Variants in HERPUD2 observed in about 807,000 individuals in gnomAD.
HERPUD2 encodes HERPUD family member 2, also known as homocysteine-responsive endoplasmic reticulum-resident ubiquitin-like domain member 2 protein.
Under a neutral mutation model 49.9 loss-of-function variants are expected in HERPUD2, and 13 were observed. That is an observed-to-expected ratio of 0.26 (90% CI 0.17 to 0.41). The LOEUF is 0.41. Among genes scored for constraint, HERPUD2 ranks in the 10% least tolerant of loss-of-function variants. The pLI is 1.00. For synonymous variants in HERPUD2, 172 were observed against 171.4 expected, an observed-to-expected ratio of 1.00 and a Z score of -0.03; for missense variants, 449 against 492.2, an observed-to-expected ratio of 0.91 and a Z score of 0.83.
At chr7:35,637,786 C>T (rs980107704) in intron 6 of HERPUD2, among the ~76,000 whole-genome samples, 1 of 151,910 alleles carries the variant, frequency 6.6e-6, no homozygotes, top group African/African-American at 2.4e-5. Context: ...GAAAGAGTGA[C>T]CAGAAAGATA....
chr7:35,634,840 T>C (rs1562665803), intron 7 of HERPUD2, among the ~76,000 whole-genome samples: 2 of 152,222 alleles, frequency 1.3e-5, no homozygotes, highest in African/African-American at 4.8e-5. Context: ...AGGATGACCT[T>C]ATGCAGGAGT....
At chr7:35,668,928 A>T (rs1785593382) in intron 4 of HERPUD2, among the ~76,000 whole-genome samples, 2 of 152,196 alleles carry the variant, frequency 1.3e-5, no homozygotes, top group Non-Finnish European at 2.9e-5. Context: ...AATATTTTCA[A>T]GTCCCTTGAA....
intron 5 of HERPUD2, among the ~76,000 whole-genome samples, chr7:35,652,931 T>C (rs1785197651): frequency 6.7e-6 from 1 of 149,240 alleles, no homozygotes. Flanking sequence ...GTAGAGCAAA[T>C]ACACAAATAA....
In HERPUD2 at chr7:35,639,719, T is replaced by C. The variant is rs114334630; in HGVS notation, c.495-1247A>G. ...AGCTATAATTTTATATTCTAAAGACTGTTTACACATACAATTGGTAATAAT... is the reference window on the plus strand; with the variant it reads ...AGCTATAATTTTATATTCTAAAGACCGTTTACACATACAATTGGTAATAAT... On this transcript the variant is annotated intron_variant, in intron 5 of 8. Transcript: ENST00000311350. Among the ~76,000 whole-genome samples the C allele has an allele frequency of 3.9e-3, 590 of 152,332 alleles. 4 individuals are homozygous for C. Among genetic ancestry groups the C allele is most frequent in the African/African-American group, 0.013 (557 of 41,572 alleles).
chr7:35,661,662 T>C (rs1785424887), intron 5 of HERPUD2, among the ~76,000 whole-genome samples: 1 of 152,178 alleles, frequency 6.6e-6, no homozygotes. Flanking sequence ...CACTCATGAT[T>C]TGGCTCTCTG....
At chr7:35,652,476 C>T (rs1210749850) in intron 5 of HERPUD2, among the ~76,000 whole-genome samples, 2 of 152,060 alleles carry the variant, frequency 1.3e-5, no homozygotes, top group Admixed American at 1.3e-4. Flanking sequence ...GAAAAGCATC[C>T]AGTCACTTAA....
chr7:35,678,099 C>T (rs1785804957), intron 2 of HERPUD2, among the ~76,000 whole-genome samples: 1 of 152,162 alleles, frequency 6.6e-6, no homozygotes, highest in Non-Finnish European at 1.5e-5. Flanking sequence ...TTTCATGAGG[C>T]TCTAATGAGA....
chr7:35,651,655 A>G (rs1257231199), intron 5 of HERPUD2, among the ~76,000 whole-genome samples: 1 of 152,190 alleles, frequency 6.6e-6, no homozygotes, highest in Non-Finnish European at 1.5e-5. Context: ...ATATCAACAT[A>G]AGGATAGAAG....
Position 35,673,775 on chromosome 7 carries a change from T to C in HERPUD2, c.148-497A>G, listed in dbSNP as rs564030109. Among the ~76,000 whole-genome samples the C allele has an allele frequency of 1.2e-4, 18 of 152,316 alleles. No individual in the cohort carries two copies. In the South Asian group the frequency reaches 3.3e-3, roughly 28 times the overall value. On this transcript the variant is annotated intron_variant, in intron 2 of 8. Coordinates refer to ENST00000311350, the MANE Select transcript of HERPUD2 (RefSeq NM_022373.5). ...TACTAATATTGTGCAGAACAATTTA[T>C]TGGTTTTAATTCAAGAGCCATTTAG...
chr7:35,687,298 A>G (rs1033056140), intron 2 of HERPUD2, among the ~76,000 whole-genome samples: 1 of 152,196 alleles, frequency 6.6e-6, no homozygotes, highest in Admixed American at 6.5e-5. Flanking sequence ...GGCTCCACAG[A>G]GTAACATATA....
intron 2 of HERPUD2, among the ~76,000 whole-genome samples, chr7:35,687,650 T>G (rs544531759): frequency 5.1e-4 from 78 of 152,368 alleles, no homozygotes; most frequent in Non-Finnish European, 8.4e-4. Context: ...CAGGTTAAAA[T>G]AAGTCCTAAC....
chr7:35,639,052 G>A (rs1454652599), intron 5 of HERPUD2, among the ~76,000 whole-genome samples: 3 of 149,408 alleles, frequency 2.0e-5, no homozygotes, highest in Non-Finnish European at 3.0e-5. Context: ...TTTTTGAGAC[G>A]GAATCTCGCT....
At chr7:35,643,198 G>A (rs999439468) in intron 5 of HERPUD2, among the ~76,000 whole-genome samples, 4 of 152,072 alleles carry the variant, frequency 2.6e-5, no homozygotes, top group Admixed American at 6.6e-5. Context: ...TTATCGCCAC[G>A]TTGAAACTGC....
intron 2 of HERPUD2, among the ~76,000 whole-genome samples, chr7:35,687,221 C>T (rs1311573832): frequency 6.6e-6 from 1 of 152,106 alleles, no homozygotes; most frequent in Non-Finnish European, 1.5e-5. Context: ...ATTCAGAAGA[C>T]TCAGGGTTCA....
At chr7:35,694,658 G>A (rs1436966279) in intron 1 of HERPUD2, 31 bp from the exon 2 acceptor site, 8 of 298,244 alleles carry the variant, frequency 2.7e-5, no homozygotes, top group African/African-American at 1.7e-4. Context: ...AGGGATGAGG[G>A]CACAACGGCC....
At chr7:35,691,651 T>A (rs534821762) in intron 2 of HERPUD2, among the ~76,000 whole-genome samples, 16 of 152,346 alleles carry the variant, frequency 1.1e-4, no homozygotes, top group African/African-American at 2.2e-4. Flanking sequence ...CTGTTAAACA[T>A]AACAGCACTT....
intron 2 of HERPUD2, among the ~76,000 whole-genome samples, chr7:35,677,996 T>G (rs1785802550): frequency 6.6e-6 from 1 of 152,154 alleles, no homozygotes; most frequent in African/African-American, 2.4e-5. Context: ...ACAACGGAAA[T>G]GCACATAAAC....
At chr7:35,686,469 C>G (rs62454602) in intron 2 of HERPUD2, among the ~76,000 whole-genome samples, 149,393 of 149,394 alleles carry the variant, frequency 1, 74,696 homozygotes, top group Non-Finnish European at 1. Flanking sequence ...TTACAGGCGT[C>G]AGCGCAGCGC....
At chr7:35,689,685 A>C (rs1349203971) in intron 2 of HERPUD2, among the ~76,000 whole-genome samples, 1 of 152,232 alleles carries the variant, frequency 6.6e-6, no homozygotes, top group African/African-American at 2.4e-5. Context: ...GTTTGAAAAA[A>C]CAGCACAAAC....
Sources: gnomAD v4.1 joint callset for allele counts (sites outside exome capture counted in the v4.1 genomes callset) on GRCh38, gnomAD v4.1.1 for gene constraint, MANE v1.5 for transcripts, NCBI Gene and HGNC (gene_info 2026-07-23, HGNC 2026-07-21) for gene names.